PIK3R4: variants seen among roughly 807,000 people sequenced by gnomAD.
The protein encoded by PIK3R4 is phosphoinositide 3-kinase regulatory subunit 4.
A neutral mutation model predicts 136.5 loss-of-function variants in PIK3R4; 46 were observed. The ratio of observed to expected loss-of-function variants is 0.34; its 90% confidence interval spans 0.27 to 0.43. The LOEUF (loss-of-function observed/expected upper bound fraction) is 0.43. Ranked by LOEUF, PIK3R4 falls within the 20% of genes least tolerant of loss-of-function variation. The probability of loss-of-function intolerance (pLI) is 1.00; values close to 1 mark genes in which losing one functional copy is unlikely to be tolerated. For synonymous variants in PIK3R4, 557 were observed against 566.7 expected, an observed-to-expected ratio of 0.98 and a Z score of 0.24; for missense variants, 1,331 against 1,649.5, an observed-to-expected ratio of 0.81 and a Z score of 3.35.
intron 6 of PIK3R4, among the ~76,000 whole-genome samples, chr3:130,725,058 T>G (rs1248469369): frequency 6.6e-6 from 1 of 152,010 alleles, no homozygotes; most frequent in Non-Finnish European, 1.5e-5. Context: ...ATGTTATAAT[T>G]GTTTTCTTTA....
At chr3:130,685,108 A>G (rs2108515217) in intron 15 of PIK3R4, among the ~76,000 whole-genome samples, 1 of 152,304 alleles carries the variant, frequency 6.6e-6, no homozygotes, top group African/African-American at 2.4e-5. Flanking sequence ...TCAAAACACC[A>G]TGAGGGAAAA....
At chr3:130,705,844 T>C in intron 11 of PIK3R4, 73 bp from the exon 12 acceptor site, 1 of 777,382 alleles carries the variant, frequency 1.3e-6, no homozygotes, top group Non-Finnish European at 2.1e-6. Context: ...TGTATGCATG[T>C]TTTTATCTAT....
intron 2 of PIK3R4, among the ~76,000 whole-genome samples, chr3:130,742,916 T>C (rs2107623668): frequency 6.6e-6 from 1 of 152,296 alleles, no homozygotes; most frequent in Middle Eastern, 3.4e-3. Flanking sequence ...GGTCTGTGTA[T>C]GTGAAATAAT....
chr3:130,734,265 T>C, intron 3 of PIK3R4, 135 bp from the exon 4 acceptor site: 2 of 677,952 alleles, frequency 3.0e-6, no homozygotes, highest in East Asian at 2.7e-5. Flanking sequence ...TGTGACTCCA[T>C]CATCCTAGAA....
In PIK3R4 at chr3:130,716,488, T is replaced by C. The variant is rs755559646; in HGVS notation, c.2239A>G (p.Met747Val). ...GAACCATTTCGTTTCTTCTGACGCA[T>C]GTGAAGATGTCTGAACAAGCTAGTA... ...DITSLFRHLH[M>V]RQKKRNGSLP... Residue 747 changes from methionine to valine, a missense_variant, in exon 9 of 20, where the codon ATG becomes GTG. Transcript: ENST00000356763. The C allele has an allele frequency of 6.8e-6, 11 of 1,614,088 alleles. No homozygotes were observed. The highest frequency in any genetic ancestry group is 5.5e-5 in the South Asian group (5 of 91,082).
At chr3:130,711,936 TA>T (rs2066634950) in intron 9 of PIK3R4, among the ~76,000 whole-genome samples, 1 of 152,150 alleles carries the variant, frequency 6.6e-6, no homozygotes, top group Non-Finnish European at 1.5e-5. Context: ...AGTGCAAAAA[TA>T]AAAAATCATT....
chr3:130,716,817 T>C (rs2066667479), intron 8 of PIK3R4, among the ~76,000 whole-genome samples: 1 of 152,218 alleles, frequency 6.6e-6, no homozygotes, highest in Admixed American at 6.5e-5. Context: ...CACGTGTGTC[T>C]GTCATTGGAA....
chr3:130,692,983 C>G (rs2066527018), intron 13 of PIK3R4, among the ~76,000 whole-genome samples: 1 of 152,212 alleles, frequency 6.6e-6, no homozygotes, highest in Non-Finnish European at 1.5e-5. Flanking sequence ...CATTAGCTGT[C>G]TCTTCCCAAT....
chr3:130,702,770 A>G (rs1017756156), intron 13 of PIK3R4, among the ~76,000 whole-genome samples: 1 of 152,132 alleles, frequency 6.6e-6, no homozygotes, highest in African/African-American at 2.4e-5. Context: ...TCATAATCAC[A>G]TTTATTAAAA....
chr3:130,706,008 A>G (rs906108529), intron 11 of PIK3R4, among the ~76,000 whole-genome samples: 14 of 152,230 alleles, frequency 9.2e-5, no homozygotes, highest in African/African-American at 3.1e-4. Flanking sequence ...TATATATAAA[A>G]AAACTGATCA....
In PIK3R4 at chr3:130,733,591, G is replaced by C. The variant is rs201674048; in HGVS notation, c.1407C>G (p.His469Gln). 128 of 1,613,850 alleles carry C rather than the reference G, an allele frequency of 7.9e-5. 1 individual carries two copies. Among genetic ancestry groups the C allele is most frequent in the Non-Finnish European group, 5.3e-5 (63 of 1,179,830 alleles). Residue 469 changes from histidine (H) to glutamine (Q), a missense_variant, in exon 4 of 20, where the codon CAC becomes CAG. By Grantham distance (24) the His-to-Gln change is conservative. Coordinates refer to ENST00000356763, the MANE Select transcript of PIK3R4 (RefSeq NM_014602.3). ...CGATAGTAGCATCATCTTGGGCTAAGTGGGCTATGCCTGGCAGAATGTATT... is the reference window on the plus strand; with the variant it reads ...CGATAGTAGCATCATCTTGGGCTAACTGGGCTATGCCTGGCAGAATGTATT... Reference protein sequence around the residue: ...YPEYILPGIAHLAQDDATIVR... With the variant: ...YPEYILPGIAQLAQDDATIVR...
chr3:130,711,769 C>T (rs1031300543), intron 9 of PIK3R4, among the ~76,000 whole-genome samples: 2 of 152,198 alleles, frequency 1.3e-5, no homozygotes, highest in African/African-American at 4.8e-5. Flanking sequence ...AAGTCCAACA[C>T]TGCAAAGCAA....
At chr3:130,698,231 T>C (rs1255056864) in intron 13 of PIK3R4, among the ~76,000 whole-genome samples, 1 of 152,226 alleles carries the variant, frequency 6.6e-6, no homozygotes, top group Non-Finnish European at 1.5e-5. Flanking sequence ...GTGTGCAGAT[T>C]AATGTTTTCC....
At chr3:130,713,164 G>T (rs1238556177) in intron 9 of PIK3R4, among the ~76,000 whole-genome samples, 2 of 152,190 alleles carry the variant, frequency 1.3e-5, no homozygotes, top group African/African-American at 4.8e-5. Context: ...CCGGAAGCTG[G>T]TGTTGTTCTG....
chr3:130,688,564 T>C (rs938804837), intron 14 of PIK3R4, among the ~76,000 whole-genome samples: 3 of 152,348 alleles, frequency 2.0e-5, no homozygotes, highest in African/African-American at 7.2e-5. Flanking sequence ...GTGGGTTAAT[T>C]AGCAAAATGC....
chr3:130,723,285 CCACA>C lies in PIK3R4; in HGVS notation c.1981+125_1981+128del, dbSNP rs2066713087. ...CACATACACATACACACATGCACAC[CCACA>C]CAATCAATAGTAGGAACCCCACACA... On this transcript the variant is annotated intron_variant, in intron 7 of 19. Coordinates refer to ENST00000356763, the MANE Select transcript of PIK3R4 (RefSeq NM_014602.3). The C allele has an allele frequency of 4.0e-6, 3 of 745,392 alleles. No homozygotes were observed. The South Asian group carries it at 5.6e-5, about 14-fold the overall frequency. The allele number at this position is 745,392 out of a possible 1,614,324, so 46.2% of individuals were successfully genotyped here.
chr3:130,682,102 A>G (rs548850368), intron 16 of PIK3R4, among the ~76,000 whole-genome samples: 56 of 152,306 alleles, frequency 3.7e-4, no homozygotes, highest in Admixed American at 2.7e-3. Flanking sequence ...CCCCAAAGGT[A>G]TCCAAGTCCT....
At chr3:130,680,948 C>T in intron 18 of PIK3R4, 29 bp downstream of exon 18, 1 of 1,103,856 alleles carries the variant, frequency 9.1e-7, no homozygotes, top group Non-Finnish European at 1.3e-6. Flanking sequence ...TAAAAGTATC[C>T]ATTTTATTAA....
intron 6 of PIK3R4, among the ~76,000 whole-genome samples, chr3:130,724,955 T>C (rs1211601358): frequency 1.3e-5 from 2 of 152,006 alleles, no homozygotes; most frequent in African/African-American, 4.8e-5. Flanking sequence ...TAGTTGCCTC[T>C]GGAAATTTCA....
Sources: gnomAD v4.1 joint callset for allele counts (sites outside exome capture counted in the v4.1 genomes callset) on GRCh38, gnomAD v4.1.1 for gene constraint, MANE v1.5 for transcripts, NCBI Gene and HGNC (gene_info 2026-07-23, HGNC 2026-07-21) for gene names.